The following ARHGEF3 variants were observed in gnomAD, a reference collection of about 807,000 sequenced individuals.
ARHGEF3 encodes 59.8 kDA protein.
ARHGEF3 carries 28 observed loss-of-function variants against 63.2 expected under a neutral mutation model. The observed-to-expected ratio is 0.44, with a 90% CI of 0.33 to 0.61. ARHGEF3 has a LOEUF of 0.61. ARHGEF3 is among the 20% of genes least tolerant of loss of function. The pLI is 0.03. For synonymous variants in ARHGEF3, 266 were observed against 254.2 expected, an observed-to-expected ratio of 1.05 and a Z score of -0.44; for missense variants, 533 against 659.3, an observed-to-expected ratio of 0.81 and a Z score of 2.10.
intron 2 of ARHGEF3, among the ~76,000 whole-genome samples, chr3:56,994,064 CAAAAAAA>C (rs60299557): frequency 3.3e-5 from 2 of 59,748 alleles, no homozygotes; most frequent in East Asian, 4.4e-4. Context: ...AACTTCGTCT[CAAAAAAA>C]AAAAAAAAAA....
intron 2 of ARHGEF3, among the ~76,000 whole-genome samples, chr3:57,009,372 T>C (rs994048317): frequency 6.6e-6 from 1 of 152,204 alleles, no homozygotes; most frequent in African/African-American, 2.4e-5. Context: ...CTAGAGCTAC[T>C]TCTAAAGTTC....
intron 4 of ARHGEF3, among the ~76,000 whole-genome samples, chr3:56,855,428 A>G (rs1270849041): frequency 6.6e-6 from 1 of 152,018 alleles, no homozygotes. Context: ...TCCTGCCTGT[A>G]ATCCTAGCAC....
chr3:56,927,697 T>G (rs2042310161), intron 3 of ARHGEF3, among the ~76,000 whole-genome samples: 1 of 152,050 alleles, frequency 6.6e-6, no homozygotes, highest in African/African-American at 2.4e-5. Flanking sequence ...ACAGAGCCAA[T>G]CTGCTAGGCC....
intron 8 of ARHGEF3, among the ~76,000 whole-genome samples, chr3:56,734,493 T>C (rs1176439613): frequency 2.0e-5 from 3 of 152,206 alleles, no homozygotes; most frequent in African/African-American, 4.8e-5. Context: ...ATGTTCACTA[T>C]CTGGGTGATG....
chr3:56,938,595 T>G (rs1197835118), intron 3 of ARHGEF3: 2 of 152,208 alleles, frequency 1.3e-5, no homozygotes, highest in Non-Finnish European at 2.9e-5. Flanking sequence ...ACAGAGGCAC[T>G]AAGAACACAT....
At chr3:57,034,982 C>T in intron 2 of ARHGEF3, 1 of 910,114 alleles carries the variant, frequency 1.1e-6, no homozygotes. Flanking sequence ...TTCTTGATGG[C>T]CTCTACTGAC....
At chr3:56,742,549 A>G (rs2034108561) in intron 7 of ARHGEF3, among the ~76,000 whole-genome samples, 1 of 152,166 alleles carries the variant, frequency 6.6e-6, no homozygotes, top group South Asian at 2.1e-4. Flanking sequence ...ATATTTGTCA[A>G]GCTATATTGG....
In ARHGEF3 at chr3:56,996,158, T is replaced by A. The variant is rs377528694; in HGVS notation, c.63-37269A>T. ...GGACTCACCAACTGAAACACAGTCT[T>A]AATGACTGGCATCACCATCTGCCCC... is the stretch of plus-strand genomic sequence containing the variant. On this transcript the variant is annotated intron_variant, in intron 2 of 12. Transcript: ENST00000338458. 5.3e-5 allele frequency among the ~76,000 whole-genome samples: 8 copies of A among 152,244 alleles called. No individual in the cohort carries two copies. The East Asian group carries it at 1.2e-3, about 22-fold the overall frequency.
At position 56,819,697 on chromosome 3, in the gene ARHGEF3, T is replaced by G. The variant is rs572922049; in HGVS notation, c.193-45881A>C. On this transcript the variant is annotated intron_variant, in intron 4 of 12. Transcript: ENST00000338458. ...GCTAATTTTTATTTACTTATTTATT[T>G]TTTGTAGAAATGGGGGTCTTACTAC... 9.9e-5 allele frequency among the ~76,000 whole-genome samples: 15 copies of G among 151,452 alleles called. No individual in the cohort carries two copies. The South Asian group carries it at 3.1e-3, about 32-fold the overall frequency.
chr3:56,831,058 T>C (rs1471363643), intron 4 of ARHGEF3, among the ~76,000 whole-genome samples: 1 of 152,184 alleles, frequency 6.6e-6, no homozygotes, highest in Non-Finnish European at 1.5e-5. Flanking sequence ...AGAGATCTTG[T>C]CCCTCATGTT....
At chr3:56,932,337 T>G (rs968808676) in intron 3 of ARHGEF3, among the ~76,000 whole-genome samples, 19 of 152,140 alleles carry the variant, frequency 1.2e-4, no homozygotes, top group South Asian at 2.1e-4. Flanking sequence ...AAGGAAACCA[T>G]TATTAATATT....
chr3:57,047,463 G>C (rs1199383993), intron 1 of ARHGEF3, among the ~76,000 whole-genome samples: 1 of 152,196 alleles, frequency 6.6e-6, no homozygotes, highest in African/African-American at 2.4e-5. Context: ...CTACTTAGCA[G>C]CTATAAGATC....
At chr3:56,958,947 A>G in intron 2 of ARHGEF3, 1 of 1,483,294 alleles carries the variant, frequency 6.7e-7, no homozygotes, top group African/African-American at 1.4e-5. Context: ...AGAGGAAGTC[A>G]CTGCTTTCAA....
At chr3:56,768,265 G>A (rs772947663) in intron 2 of ARHGEF3, among the ~76,000 whole-genome samples, 2 of 152,086 alleles carry the variant, frequency 1.3e-5, no homozygotes, top group Non-Finnish European at 2.9e-5. Flanking sequence ...CGCCATGTTG[G>A]CCAGGTTGGT....
intron 2 of ARHGEF3, among the ~76,000 whole-genome samples, chr3:57,012,351 C>T (rs1464274787): frequency 3.9e-5 from 6 of 152,138 alleles, no homozygotes; most frequent in South Asian, 4.1e-4. Flanking sequence ...CTCCACCTCC[C>T]GGGTTTAAGT....
intron 3 of ARHGEF3, among the ~76,000 whole-genome samples, chr3:56,937,616 A>G (rs1035844601): frequency 6.6e-5 from 10 of 152,234 alleles, no homozygotes; most frequent in African/African-American, 2.2e-4. Flanking sequence ...CCTTCTCCCA[A>G]TAGACCACAC....
intron 7 of ARHGEF3, among the ~76,000 whole-genome samples, chr3:56,742,467 C>G (rs1284960024): frequency 1.3e-5 from 2 of 152,182 alleles, no homozygotes; most frequent in East Asian, 1.9e-4. Context: ...AATCAACTCT[C>G]TTGGAACGGA....
intron 2 of ARHGEF3, among the ~76,000 whole-genome samples, chr3:56,967,449 T>A (rs370722776): frequency 4.1e-5 from 1 of 24,684 alleles, no homozygotes; most frequent in Non-Finnish European, 7.2e-5. Context: ...ATATTATATA[T>A]TATACATATT....
intron 3 of ARHGEF3, among the ~76,000 whole-genome samples, chr3:56,954,875 T>A (rs1217487829): frequency 6.6e-6 from 1 of 152,172 alleles, no homozygotes; most frequent in African/African-American, 2.4e-5. Context: ...ACTCCTAATG[T>A]CTGAGGACTA....
Sources: allele counts gnomAD v4.1 joint callset (sites outside exome capture counted in the v4.1 genomes callset), GRCh38; gene constraint gnomAD v4.1.1; transcripts MANE v1.5; gene names NCBI Gene and HGNC (gene_info 2026-07-23, HGNC 2026-07-21).